Variants in PLEKHG1 observed in about 807,000 individuals in gnomAD.
PLEKHG1 encodes pleckstrin homology domain-containing family G member 1.
PLEKHG1 carries 44 observed loss-of-function variants against 100.8 expected under a neutral mutation model. The ratio of observed to expected loss-of-function variants is 0.44; its 90% confidence interval spans 0.34 to 0.56. PLEKHG1 has a LOEUF of 0.56. Ranked by LOEUF, PLEKHG1 falls within the 20% of genes least tolerant of loss-of-function variation. The pLI is 0.01. For missense variants in PLEKHG1, 1,545 were observed against 1,720.9 expected, an observed-to-expected ratio of 0.90 and a Z score of 1.81; for synonymous variants, 640 against 662.5, an observed-to-expected ratio of 0.97 and a Z score of 0.52.
chr6:150,679,519 C>T (rs2128588535), intron 3 of PLEKHG1, among the ~76,000 whole-genome samples: 1 of 152,328 alleles, frequency 6.6e-6, no homozygotes, highest in Admixed American at 6.5e-5. Flanking sequence ...TACAGGCTTG[C>T]TTCTTTACCT....
exon 2 of PLEKHG1, chr6:150,733,590 A>G: frequency 6.2e-7 from 1 of 1,609,912 alleles, no homozygotes; most frequent in Non-Finnish European, 8.5e-7. Flanking sequence ...ATAGATGGGC[A>G]CCAGTTGCGT....
intron 2 of PLEKHG1, among the ~76,000 whole-genome samples, chr6:150,764,179 GCAATCTCAGCTCATTGCAACCT>G (rs1434096588): frequency 1.3e-5 from 2 of 150,040 alleles, no homozygotes; most frequent in African/African-American, 4.9e-5. Flanking sequence ...GTGCAGTGGT[GCAATCTCAGCTCATTGCAACCT>G]TTGCCTCCCG....
intron 2 of PLEKHG1, among the ~76,000 whole-genome samples, chr6:150,741,958 C>G (rs1379239980): frequency 6.6e-6 from 1 of 152,178 alleles, no homozygotes; most frequent in African/African-American, 2.4e-5. Flanking sequence ...TTGTGACGAC[C>G]AAAAATGTCT....
chr6:150,768,545 C>T, intron 2 of PLEKHG1, 93 bp from the exon 4 acceptor site: 2 of 718,182 alleles, frequency 2.8e-6, no homozygotes, highest in South Asian at 3.3e-5. Flanking sequence ...AAAATAATTA[C>T]TTGAAACAGA....
chr6:150,607,650 T>C (rs914705669), intron 1 of PLEKHG1, among the ~76,000 whole-genome samples: 2 of 152,140 alleles, frequency 1.3e-5, no homozygotes, highest in Admixed American at 1.3e-4. Flanking sequence ...GAGTGGGTGG[T>C]AGGGGTGATA....
Position 150,600,338 on chromosome 6 carries a change from C to T in PLEKHG1, c.-204+321C>T, listed in dbSNP as rs375639664. On this transcript the variant is annotated intron_variant, in intron 1 of 3. Coordinates refer to the PLEKHG1 transcript ENST00000367326. This position sits in a 1 kb window ranked among gnomAD's most constrained non-coding sequence, Gnocchi z 6.2. ...TTGGGGTTCCGCGCCCCCAAGTTCCCGGTGCTCCCGCCCCTCGCCCCAGCG... is the reference window on the plus strand; with the variant it reads ...TTGGGGTTCCGCGCCCCCAAGTTCCTGGTGCTCCCGCCCCTCGCCCCAGCG... Among the ~76,000 whole-genome samples, 55 of 152,042 alleles carry T rather than the reference C, an allele frequency of 3.6e-4. 1 individual carries two copies. The highest frequency in any genetic ancestry group is 3.3e-3 in the South Asian group (16 of 4,822).
exon 1 of PLEKHG1, chr6:150,599,892 A>C: frequency 5.5e-6 from 1 of 181,028 alleles, no homozygotes; most frequent in Non-Finnish European, 1.1e-5. Context: ...CCCGAGCCTG[A>C]GCCCGAGCCC....
At chr6:150,819,289 G>A (rs1050138763) in intron 11 of PLEKHG1, among the ~76,000 whole-genome samples, 2 of 152,076 alleles carry the variant, frequency 1.3e-5, no homozygotes, top group Non-Finnish European at 2.9e-5. Flanking sequence ...TATAGGCCGG[G>A]CATGGTGGCT....
chr6:150,677,347 C>A (rs181032698), intron 3 of PLEKHG1, among the ~76,000 whole-genome samples: 13 of 151,968 alleles, frequency 8.6e-5, no homozygotes, highest in African/African-American at 2.4e-4. Flanking sequence ...TACTGCATTG[C>A]TTGGAGTTTC....
chr6:150,656,987 T>C (rs1778996311), intron 3 of PLEKHG1, among the ~76,000 whole-genome samples: 1 of 152,188 alleles, frequency 6.6e-6, no homozygotes, highest in African/African-American at 2.4e-5. Flanking sequence ...CTGTGTTCCA[T>C]GCATAAAAGT....
At chr6:150,705,724 C>T (rs900692773) in intron 3 of PLEKHG1, among the ~76,000 whole-genome samples, 4 of 152,220 alleles carry the variant, frequency 2.6e-5, no homozygotes, top group African/African-American at 9.7e-5. Flanking sequence ...CCCACTCCCT[C>T]CTCCTTATGC....
chr6:150,628,737 A>G (rs2128560539), intron 1 of PLEKHG1, among the ~76,000 whole-genome samples: 1 of 152,344 alleles, frequency 6.6e-6, no homozygotes, highest in East Asian at 1.9e-4. Context: ...GAGGATAAAC[A>G]ATTGCACAAA....
intron 3 of PLEKHG1, among the ~76,000 whole-genome samples, chr6:150,686,354 C>T (rs531459800): frequency 6.6e-6 from 1 of 152,262 alleles, no homozygotes; most frequent in East Asian, 1.9e-4. Context: ...ATATTGTAAA[C>T]AAATTCTGTT....
At chr6:150,795,350 T>G (rs1786260781) in intron 4 of PLEKHG1, among the ~76,000 whole-genome samples, 1 of 148,832 alleles carries the variant, frequency 6.7e-6, no homozygotes, top group South Asian at 2.1e-4. Flanking sequence ...GAGCAGAGAT[T>G]GTGCCACTGC....
At chr6:150,656,425 T>C (rs1008155673) in intron 3 of PLEKHG1, among the ~76,000 whole-genome samples, 1 of 152,116 alleles carries the variant, frequency 6.6e-6, no homozygotes, top group African/African-American at 2.4e-5. Flanking sequence ...TAGGTTTCTG[T>C]TGAAAATGAG....
chr6:150,638,093 A>C (rs1464154957), exon 2 of PLEKHG1: 1 of 152,182 alleles, frequency 6.6e-6, no homozygotes, highest in Non-Finnish European at 1.5e-5. Context: ...AGGAGAGTGA[A>C]TATCTATGGA....
upstream of PLEKHG1, among the ~76,000 whole-genome samples, chr6:150,716,209 G>C (rs955566438): frequency 6.6e-6 from 1 of 152,026 alleles, no homozygotes; most frequent in East Asian, 1.9e-4. Context: ...TTTGTCAATG[G>C]CCTGTGCTTC....
chr6:150,608,268 A>C (rs1480081385), intron 1 of PLEKHG1, among the ~76,000 whole-genome samples: 1 of 152,194 alleles, frequency 6.6e-6, no homozygotes, highest in Non-Finnish European at 1.5e-5. Flanking sequence ...AATATTATGA[A>C]GTTCTGAGAA....
chr6:150,718,287 G>A (rs541906445), upstream of PLEKHG1, among the ~76,000 whole-genome samples: 10 of 152,066 alleles, frequency 6.6e-5, no homozygotes, highest in Admixed American at 1.3e-4. Context: ...AAATGTTAAC[G>A]GTTCAGTGTG....
Sources: gnomAD v4.1 joint callset for allele counts (sites outside exome capture counted in the v4.1 genomes callset) on GRCh38, gnomAD v4.1.1 for gene constraint, Gnocchi (gnomAD v3.1) non-coding constraint, MANE v1.5 for transcripts, NCBI Gene and HGNC (gene_info 2026-07-23, HGNC 2026-07-21) for gene names.